Variants in RBFOX1 observed in about 807,000 individuals in gnomAD.
RBFOX1 encodes the protein RNA binding fox-1 homolog 1.
In RBFOX1, 8 loss-of-function variants were observed where a neutral mutation model predicts 57.7. The ratio of observed to expected loss-of-function variants is 0.14; its 90% confidence interval spans 0.08 to 0.25. The LOEUF (loss-of-function observed/expected upper bound fraction) is 0.25, where lower values mean the gene tolerates loss of function less well. RBFOX1 is among the 10% of genes least tolerant of loss of function. The probability of loss-of-function intolerance (pLI) is 1.00; values close to 1 mark genes in which losing one functional copy is unlikely to be tolerated. For synonymous variants in RBFOX1, 326 were observed against 222.4 expected (o/e 1.47, Z -4.15); for missense variants, 611 against 548.5 (o/e 1.11, Z -1.14).
At chr16:6,955,255 A>AG (rs200367295) in intron 3 of RBFOX1, among the ~76,000 whole-genome samples, 1 of 151,574 alleles carries the variant, frequency 6.6e-6, no homozygotes, top group Non-Finnish European at 1.5e-5. Context: ...GAAAAAAAGA[A>AG]AAAAAGAAAT....
intron 7 of RBFOX1, among the ~76,000 whole-genome samples, chr16:7,591,472 A>G (rs73488662): frequency 0.088 from 13,332 of 152,284 alleles, 783 homozygotes; most frequent in South Asian, 0.26. Flanking sequence ...AGATGAAAAA[A>G]GAACAATAAC....
chr16:5,758,230 T>C lies in RBFOX1; in HGVS notation c.319-109073T>C, dbSNP rs139360409. Among the ~76,000 whole-genome samples, 481 of 152,342 alleles carry C rather than the reference T, an allele frequency of 3.2e-3. 4 individuals carry two copies. Among genetic ancestry groups the C allele is most frequent in the Middle Eastern group, 0.017 (5 of 294 alleles). On this transcript the variant is annotated intron_variant, in intron 3 of 19. Coordinates refer to the RBFOX1 transcript ENST00000641259. ...TGCTATTAATCCTACATGTTCTCGA[T>C]TCTTCACTTTCTTCATGGGGGGAAA...
chr16:7,703,695 T>C lies in RBFOX1; in HGVS notation c.996-5361T>C, dbSNP rs117799583. Among the ~76,000 whole-genome samples the C allele has an allele frequency of 9.7e-3, 1,476 of 152,304 alleles. 8 individuals carry two copies. The highest frequency in any genetic ancestry group is 0.016 in the Non-Finnish European group (1,103 of 68,032). On this transcript the variant is annotated intron_variant, in intron 14 of 15. Coordinates refer to ENST00000550418, the MANE Select transcript of RBFOX1 (RefSeq NM_018723.4). ...AGTACTTCTTGCTAACGTGTCTCAGTAGAGTTGATAAAGCACTTTAACAAA... is the reference window on the plus strand; with the variant it reads ...AGTACTTCTTGCTAACGTGTCTCAGCAGAGTTGATAAAGCACTTTAACAAA...
chr16:7,110,652 TA>T (rs1448681965), intron 4 of RBFOX1, among the ~76,000 whole-genome samples: 2 of 152,136 alleles, frequency 1.3e-5, no homozygotes, highest in African/African-American at 2.4e-5. Flanking sequence ...TGAAGAAACC[TA>T]AACCATATTC....
At chr16:5,970,483 A>G (rs1405025323) in intron 4 of RBFOX1, among the ~76,000 whole-genome samples, 8 of 152,308 alleles carry the variant, frequency 5.3e-5, no homozygotes, top group South Asian at 2.1e-4. Context: ...CATAAGGAAC[A>G]TTCTCTAGGT....
At chr16:6,311,019 G>A (rs767389267) in intron 1 of RBFOX1, among the ~76,000 whole-genome samples, 18 of 152,118 alleles carry the variant, frequency 1.2e-4, no homozygotes, top group Non-Finnish European at 2.6e-4. Flanking sequence ...TGGCTTGCCT[G>A]GATGTGGTGG....
At chr16:7,572,914 A>G (rs1330575270) in intron 5 of RBFOX1, among the ~76,000 whole-genome samples, 4 of 151,672 alleles carry the variant, frequency 2.6e-5, no homozygotes, top group East Asian at 1.9e-4. Context: ...GAACCGTACT[A>G]TAGTGGTAGA....
rs116286098 is a variant in RBFOX1, at chr16:7,555,941, G to A, written c.271-23836G>A. Reference sequence around the variant, plus strand: ...TTCCTCCTGCTCTCCTAAAACTTACGTTCCTTGAGAGGAGGGATTTTTTCC... The same window carrying A: ...TTCCTCCTGCTCTCCTAAAACTTACATTCCTTGAGAGGAGGGATTTTTTCC... On this transcript the variant is annotated intron_variant, in intron 5 of 15. Coordinates refer to ENST00000550418, the MANE Select transcript of RBFOX1 (RefSeq NM_018723.4). Among the ~76,000 whole-genome samples the A allele has an allele frequency of 4.4e-3, 665 of 152,134 alleles. 4 individuals carry two copies. The highest frequency in any genetic ancestry group is 0.015 in the African/African-American group (623 of 41,474).
chr16:6,542,231 C>G (rs1159912685), intron 2 of RBFOX1, among the ~76,000 whole-genome samples: 1 of 151,998 alleles, frequency 6.6e-6, no homozygotes, highest in Admixed American at 6.5e-5. Context: ...CCACCAACAT[C>G]TATTTTAAAA....
intron 3 of RBFOX1, among the ~76,000 whole-genome samples, chr16:5,853,603 G>A (rs1048773383): frequency 6.6e-6 from 1 of 152,200 alleles, no homozygotes; most frequent in Non-Finnish European, 1.5e-5. Flanking sequence ...TTCCTTGGAT[G>A]AATGATGGTT....
intron 1 of RBFOX1, among the ~76,000 whole-genome samples, chr16:6,220,196 G>T (rs1175577193): frequency 3.9e-5 from 6 of 152,056 alleles, no homozygotes; most frequent in Non-Finnish European, 7.4e-5. Context: ...GTCTGTGGGT[G>T]TGTGTATATG....
intron 3 of RBFOX1, among the ~76,000 whole-genome samples, chr16:5,829,876 A>G (rs1004754875): frequency 6.6e-6 from 1 of 152,184 alleles, no homozygotes; most frequent in Admixed American, 6.5e-5. Flanking sequence ...ACAGGGGGGA[A>G]GAAAAGGCCT....
chr16:7,404,801 C>A (rs111885474), intron 4 of RBFOX1, among the ~76,000 whole-genome samples: 2,486 of 152,276 alleles, frequency 0.016, 46 homozygotes, highest in African/African-American at 0.045. Context: ...AATAGGTTAT[C>A]ATTCCCTTTT....
At chr16:6,917,104 G>A (rs1457964329) in intron 3 of RBFOX1, among the ~76,000 whole-genome samples, 7 of 152,152 alleles carry the variant, frequency 4.6e-5, no homozygotes, top group Non-Finnish European at 7.4e-5. Flanking sequence ...ACCTGCCTTG[G>A]CCTCCCAGAG....
chr16:6,666,070 C>G (rs1271332162), intron 3 of RBFOX1, among the ~76,000 whole-genome samples: 2 of 152,196 alleles, frequency 1.3e-5, no homozygotes, highest in Non-Finnish European at 1.5e-5. Context: ...GTTTTTCATT[C>G]TTTCTCTGCC....
At chr16:7,402,685 T>C (rs148005741) in intron 4 of RBFOX1, among the ~76,000 whole-genome samples, 379 of 152,322 alleles carry the variant, frequency 2.5e-3, no homozygotes, top group Non-Finnish European at 3.9e-3. Context: ...ATGAGCCTAA[T>C]TGGACAGCCA....
intron 3 of RBFOX1, among the ~76,000 whole-genome samples, chr16:6,783,904 C>G (rs534593569): frequency 2.2e-4 from 34 of 152,088 alleles, no homozygotes; most frequent in Non-Finnish European, 4.6e-4. Context: ...CATAACTATG[C>G]TGAATATAAT....
chr16:6,985,575 C>T (rs1397924900), intron 3 of RBFOX1, among the ~76,000 whole-genome samples: 4 of 152,136 alleles, frequency 2.6e-5, no homozygotes, highest in African/African-American at 9.7e-5. Flanking sequence ...CGCCTGTAAT[C>T]CCAGCACTTT....
chr16:7,020,279 G>A (rs551131158), intron 3 of RBFOX1, among the ~76,000 whole-genome samples: 1 of 152,108 alleles, frequency 6.6e-6, no homozygotes, highest in South Asian at 2.1e-4. Flanking sequence ...AGGCTGGAGT[G>A]CAGAGGCACA....
Sources: allele counts gnomAD v4.1 joint callset (sites outside exome capture counted in the v4.1 genomes callset), GRCh38; gene constraint gnomAD v4.1.1; transcripts MANE v1.5; gene names NCBI Gene and HGNC (gene_info 2026-07-23, HGNC 2026-07-21).